The following SLC14A2 variants were observed in gnomAD, a reference collection of about 807,000 sequenced individuals.
SLC14A2 encodes the protein solute carrier family 14 member 2, also known as urea transporter 2.
A neutral mutation model predicts 104.6 loss-of-function variants in SLC14A2; 91 were observed. The ratio of observed to expected loss-of-function variants is 0.87; its 90% CI spans 0.73 to 1.04. The LOEUF (loss-of-function observed/expected upper bound fraction) is 1.04, where lower values mean the gene tolerates loss of function less well. SLC14A2 is among the 50% of genes least tolerant of loss of function. SLC14A2 has a pLI of 0.00. For missense variants in SLC14A2, 1,189 were observed against 1,156.0 expected (o/e 1.03, Z -0.41); for synonymous variants, 476 against 466.4 (o/e 1.02, Z -0.27).
the SLC14A2 span, among the ~76,000 whole-genome samples, chr18:45,190,291 T>C: frequency 1.3e-5 from 2 of 152,220 alleles, no homozygotes; most frequent in African/African-American, 4.8e-5. Flanking sequence ...ACTACAAAAG[T>C]TCTCAAAATC....
At chr18:45,334,743 G>A (rs56691492) in intron 1 of SLC14A2, among the ~76,000 whole-genome samples, 2,668 of 152,304 alleles carry the variant, frequency 0.018, 77 homozygotes, top group African/African-American at 0.061. Flanking sequence ...GTCAGTAGCT[G>A]TGAGATGCTG....
intron 1 of SLC14A2, among the ~76,000 whole-genome samples, chr18:45,375,193 A>G (rs1392273128): frequency 6.6e-6 from 1 of 152,224 alleles, no homozygotes; most frequent in Non-Finnish European, 1.5e-5. Flanking sequence ...TTCCCAAAAT[A>G]AACCTCCTTC....
intron 1 of SLC14A2, among the ~76,000 whole-genome samples, chr18:45,616,974 G>A (rs913183349): frequency 1.2e-4 from 18 of 152,144 alleles, no homozygotes; most frequent in Admixed American, 2.6e-4. Flanking sequence ...GGTGTGCGCC[G>A]GTAGTCCCAG....
intron 1 of SLC14A2, among the ~76,000 whole-genome samples, chr18:45,623,772 T>TGGAGCAC (rs1477794166): frequency 1.3e-5 from 2 of 152,140 alleles, no homozygotes; most frequent in African/African-American, 4.8e-5. Context: ...GGATGCAGCA[T>TGGAGCAC]GGAGCACGGA....
chr18:45,530,647 G>C (rs2043670115), intron 2 of SLC14A2, among the ~76,000 whole-genome samples: 1 of 152,030 alleles, frequency 6.6e-6, no homozygotes, highest in Non-Finnish European at 1.5e-5. Flanking sequence ...CCTAAGAAGA[G>C]AAGGTACATG....
intron 1 of SLC14A2, among the ~76,000 whole-genome samples, chr18:45,397,134 A>C (rs570591760): frequency 1.3e-5 from 2 of 152,302 alleles, no homozygotes; most frequent in Admixed American, 6.5e-5. Context: ...ATTTATGTGC[A>C]TGTGACTTTA....
intron 1 of SLC14A2, among the ~76,000 whole-genome samples, chr18:45,326,383 C>T (rs1489391804): frequency 6.6e-6 from 1 of 152,040 alleles, no homozygotes; most frequent in African/African-American, 2.4e-5. Flanking sequence ...CTCAAAACTA[C>T]AGGAGTATAC....
chr18:45,570,603 C>T (rs16978409), intron 2 of SLC14A2, among the ~76,000 whole-genome samples: 6,857 of 152,212 alleles, frequency 0.045, 190 homozygotes, highest in Non-Finnish European at 0.064. Flanking sequence ...AGCAATATAC[C>T]TTCTATCCTT....
intron 1 of SLC14A2, among the ~76,000 whole-genome samples, chr18:45,414,879 C>A (rs531152144): frequency 1.3e-5 from 2 of 148,480 alleles, no homozygotes; most frequent in East Asian, 4.0e-4. Flanking sequence ...CCCTTCTCTC[C>A]TTTCAGAGCT....
At chr18:45,185,411 A>T in the SLC14A2 span, among the ~76,000 whole-genome samples, 19 of 152,172 alleles carry the variant, frequency 1.2e-4, no homozygotes, top group African/African-American at 4.6e-4. Context: ...CAGAGTCTAC[A>T]CAGACATGGT....
intron 1 of SLC14A2, among the ~76,000 whole-genome samples, chr18:45,312,227 A>G (rs1325662102): frequency 6.6e-6 from 1 of 152,228 alleles, no homozygotes; most frequent in African/African-American, 2.4e-5. Flanking sequence ...TTTTCTCACA[A>G]TACATTATCA....
intron 1 of SLC14A2, among the ~76,000 whole-genome samples, chr18:45,618,669 C>CAAA (rs60728655): frequency 4.5e-3 from 228 of 50,434 alleles, no homozygotes; most frequent in East Asian, 7.6e-3. Context: ...AACTCTGTCT[C>CAAA]AAAAAAAAAA....
At chr18:45,247,423 C>A (rs2084377522) in intron 1 of SLC14A2, among the ~76,000 whole-genome samples, 2 of 152,176 alleles carry the variant, frequency 1.3e-5, no homozygotes. Flanking sequence ...GAGGCCTGGA[C>A]CTATGACCTA....
intron 1 of SLC14A2, among the ~76,000 whole-genome samples, chr18:45,311,625 G>T (rs2085080042): frequency 6.6e-6 from 1 of 152,330 alleles, no homozygotes; most frequent in South Asian, 2.1e-4. Context: ...TGGACATTCA[G>T]ATTTGACATT....
intron 1 of SLC14A2, 35 bp downstream of exon 1, chr18:45,615,617 A>G (rs1403153311): frequency 6.8e-6 from 1 of 146,128 alleles, no homozygotes; most frequent in African/African-American, 2.5e-5. Flanking sequence ...TTTTTTTTCT[A>G]ATAAATCACC....
intron 2 of SLC14A2, among the ~76,000 whole-genome samples, chr18:45,498,060 T>C (rs548737611): frequency 2.0e-5 from 3 of 152,248 alleles, no homozygotes; most frequent in African/African-American, 7.2e-5. Context: ...AGAGGAAGAT[T>C]CTGTTCATGC....
intron 1 of SLC14A2, among the ~76,000 whole-genome samples, chr18:45,306,156 T>G (rs923765622): frequency 3.9e-5 from 6 of 152,080 alleles, no homozygotes; most frequent in Non-Finnish European, 7.4e-5. Flanking sequence ...AGGAACACAA[T>G]TAAAGCTCTC....
At chr18:45,615,082 C>G (rs537158699), upstream of SLC14A2, 273 of 152,320 alleles carry the variant, frequency 1.8e-3, no homozygotes, top group African/African-American at 6.3e-3. Context: ...CAGGCGTGGG[C>G]CGCCGCACCC....
At chr18:45,494,901 CACACACACACACAT>C (rs1232901810) in intron 2 of SLC14A2, among the ~76,000 whole-genome samples, 2 of 66,716 alleles carry the variant, frequency 3.0e-5, no homozygotes, top group Admixed American at 1.9e-4. Flanking sequence ...ATCGGGTCAT[CACACACACACACAT>C]ACACACACAC....
Sources: allele counts gnomAD v4.1 joint callset (sites outside exome capture counted in the v4.1 genomes callset), GRCh38; gene constraint gnomAD v4.1.1; transcripts MANE v1.5; gene names NCBI Gene and HGNC (gene_info 2026-07-23, HGNC 2026-07-21).